ANKRD30A: variants seen among roughly 807,000 people sequenced by gnomAD.
The protein encoded by ANKRD30A is ankyrin repeat domain-containing protein 30A.
A neutral mutation model predicts 166.3 loss-of-function variants in ANKRD30A; 170 were observed. The ratio of observed to expected loss-of-function variants is 1.02; its 90% CI spans 0.90 to 1.16. The LOEUF (loss-of-function observed/expected upper bound fraction) is 1.16, where lower values mean the gene tolerates loss of function less well. ANKRD30A is among the 50% of genes most tolerant of loss of function. The probability of loss-of-function intolerance (pLI) is 0.00; values close to 1 mark genes in which losing one functional copy is unlikely to be tolerated. For synonymous variants in ANKRD30A, 564 were observed against 508.9 expected (o/e 1.11, Z -1.46); for missense variants, 1,630 against 1,518.0 (o/e 1.07, Z -1.23).
chr10:37,202,787 A>T (rs1267320372), intron 31 of ANKRD30A, among the ~76,000 whole-genome samples: 1 of 152,162 alleles, frequency 6.6e-6, no homozygotes, highest in Non-Finnish European at 1.5e-5. Context: ...TAGACACAAT[A>T]AAAAATGATA....
chr10:37,224,565 GT>G (rs1843052026), intron 34 of ANKRD30A, among the ~76,000 whole-genome samples: 1 of 151,110 alleles, frequency 6.6e-6, no homozygotes, highest in African/African-American at 2.4e-5. Flanking sequence ...GAGTAATTGT[GT>G]TTTTGCCACT....
At chr10:37,236,214 G>A (rs1029502824), downstream of ANKRD30A, among the ~76,000 whole-genome samples, 1 of 152,106 alleles carries the variant, frequency 6.6e-6, no homozygotes, top group Non-Finnish European at 1.5e-5. Flanking sequence ...GGCTGCAAAT[G>A]ATTCTCCTAT....
intron 6 of ANKRD30A, among the ~76,000 whole-genome samples, chr10:37,137,339 A>G (rs1230702744): frequency 6.6e-6 from 1 of 152,126 alleles, no homozygotes; most frequent in Non-Finnish European, 1.5e-5. Flanking sequence ...CAACTGAGGT[A>G]CCCGGTTCAT....
At chr10:37,157,429 G>C (rs1838467974) in intron 13 of ANKRD30A, among the ~76,000 whole-genome samples, 1 of 152,192 alleles carries the variant, frequency 6.6e-6, no homozygotes, top group South Asian at 2.1e-4. Context: ...GCAGTGGCAT[G>C]ATCTTGGCTC....
chr10:37,179,013 A>AATATATAT (rs139390228), intron 24 of ANKRD30A, among the ~76,000 whole-genome samples: 231 of 116,748 alleles, frequency 2.0e-3, no homozygotes, highest in Non-Finnish European at 2.3e-3. Context: ...TGAGGCGTCA[A>AATATATAT]ATATATATAT....
intron 24 of ANKRD30A, among the ~76,000 whole-genome samples, chr10:37,183,479 C>T (rs1314185563): frequency 1.4e-5 from 2 of 146,760 alleles, no homozygotes; most frequent in Admixed American, 6.9e-5. Flanking sequence ...TCTGAAGTTG[C>T]ACCTCTGAGT....
intron 29 of ANKRD30A, among the ~76,000 whole-genome samples, chr10:37,198,662 G>A (rs563465215): frequency 6.6e-6 from 1 of 151,930 alleles, no homozygotes; most frequent in African/African-American, 2.4e-5. Context: ...GAGTGAAAAC[G>A]GTGGCTTACC....
At chr10:37,258,054 G>A in the ANKRD30A span, among the ~76,000 whole-genome samples, 1 of 152,116 alleles carries the variant, frequency 6.6e-6, no homozygotes, top group Non-Finnish European at 1.5e-5. Flanking sequence ...GATAGGTGCA[G>A]CAAATCATCA....
At position 37,125,977 on chromosome 10, in the gene ANKRD30A, A is replaced by C. The variant is rs753102696; in HGVS notation, c.190A>C (p.Ile64Leu). ...LEKMTKRKKT[I>L]NLNIQDAQKR... ...GAAGATGACAAAGAGGAAGAAGACC[A>C]TCAACCTTAATATACAAGACGCCCA... The change falls in exon 1 of 36, where the codon ATC becomes CTC. Residue 64 changes from isoleucine (I) to leucine (L), a missense_variant. Ile to Leu is a conservative substitution (Grantham distance 5, BLOSUM62 2). Transcript: ENST00000361713. 4.3e-6 allele frequency: 7 copies of C among 1,612,114 alleles called. No homozygotes were observed. The Admixed American group carries it at 1.2e-4, about 27-fold the overall frequency.
intron 2 of ANKRD30A, 25 bp from the exon 3 acceptor site, chr10:37,130,180 A>G (rs779644783): frequency 2.7e-5 from 41 of 1,501,308 alleles, no homozygotes; most frequent in Non-Finnish European, 3.3e-5. Context: ...ACAGTTTACA[A>G]TAATTCTTGC....
intron 31 of ANKRD30A, among the ~76,000 whole-genome samples, chr10:37,213,180 G>T (rs1272040309): frequency 6.6e-6 from 1 of 151,726 alleles, no homozygotes; most frequent in Admixed American, 6.6e-5. Context: ...TCTGTAGTTG[G>T]GAGCTTATCG....
rs747809064 is a variant in ANKRD30A at position 37,131,039 on chromosome 10, A to C, written c.510+661A>C. Reference sequence around the variant, plus strand: ...AATGGGGTTGACTTCTAGAATTTAGAGGACTTTTTAAACAATGATTTTTCT... The same window carrying C: ...AATGGGGTTGACTTCTAGAATTTAGCGGACTTTTTAAACAATGATTTTTCT... On this transcript the variant is annotated intron_variant, in intron 3 of 35. Coordinates refer to ENST00000361713, the MANE Select transcript of ANKRD30A (RefSeq NM_052997.3). Among the ~76,000 whole-genome samples, 4 of 152,284 alleles carry C rather than the reference A, an allele frequency of 2.6e-5. No homozygotes were observed. The South Asian group carries it at 6.2e-4, about 24-fold the overall frequency.
At chr10:37,233,474 G>A (rs759475869), downstream of ANKRD30A, among the ~76,000 whole-genome samples, 1 of 152,116 alleles carries the variant, frequency 6.6e-6, no homozygotes, top group Non-Finnish European at 1.5e-5. Flanking sequence ...TACAAATGCA[G>A]TGCAGGCAAA....
At chr10:37,256,482 A>G in the ANKRD30A span, among the ~76,000 whole-genome samples, 1 of 152,184 alleles carries the variant, frequency 6.6e-6, no homozygotes, top group Non-Finnish European at 1.5e-5. Context: ...GTTTATGAAT[A>G]CATGTTCTAT....
intron 6 of ANKRD30A, among the ~76,000 whole-genome samples, chr10:37,138,584 A>G (rs1013889821): frequency 9.9e-5 from 15 of 152,256 alleles, no homozygotes; most frequent in African/African-American, 3.1e-4. Context: ...ACGAATGCAC[A>G]AGCCTCAGTA....
chr10:37,161,618 C>T (rs1328903161), intron 15 of ANKRD30A, among the ~76,000 whole-genome samples: 1 of 152,142 alleles, frequency 6.6e-6, no homozygotes, highest in African/African-American at 2.4e-5. Flanking sequence ...AGAATGTAGA[C>T]TGTGGGCACT....
At chr10:37,255,823 A>G in the ANKRD30A span, among the ~76,000 whole-genome samples, 110 of 152,310 alleles carry the variant, frequency 7.2e-4, no homozygotes, top group African/African-American at 2.5e-3. Context: ...TTATTATTCT[A>G]TTTCTGGTAA....
At chr10:37,209,972 CTTATA>C (rs1319219063) in intron 31 of ANKRD30A, among the ~76,000 whole-genome samples, 1 of 151,600 alleles carries the variant, frequency 6.6e-6, no homozygotes, top group Admixed American at 6.6e-5. Context: ...AAAAGGTTTT[CTTATA>C]TTATAATTTA....
At chr10:37,129,295 ACT>A (rs1836238536) in intron 1 of ANKRD30A, among the ~76,000 whole-genome samples, 2 of 152,206 alleles carry the variant, frequency 1.3e-5, no homozygotes, top group African/African-American at 4.8e-5. Flanking sequence ...TAAATAATGA[ACT>A]ATAAGTGGCA....
Sources: gnomAD v4.1 joint callset for allele counts (sites outside exome capture counted in the v4.1 genomes callset) on GRCh38, gnomAD v4.1.1 for gene constraint, MANE v1.5 for transcripts, NCBI Gene and HGNC (gene_info 2026-07-23, HGNC 2026-07-21) for gene names.